Variants in NOX4 observed in about 807,000 individuals in gnomAD.
NOX4 encodes kidney oxidase-1.
A neutral mutation model predicts 87.6 loss-of-function variants in NOX4; 69 were observed. The ratio of observed to expected loss-of-function variants is 0.79; its 90% CI spans 0.65 to 0.96. NOX4 has a LOEUF of 0.96. Among genes scored for constraint, NOX4 ranks in the 40% least tolerant of loss-of-function variants. The probability of loss-of-function intolerance (pLI) is 0.00; values close to 1 mark genes in which losing one functional copy is unlikely to be tolerated. For missense variants in NOX4, 680 were observed against 681.5 expected, an observed-to-expected ratio of 1.00 and a Z score of 0.02; for synonymous variants, 275 against 238.2, an observed-to-expected ratio of 1.15 and a Z score of -1.42.
Position 89,413,603 on chromosome 11 carries a change from A to C in NOX4, c.629+8299T>G, listed in dbSNP as rs1487111445. ...AGACAAATTTCACACGTTCTCACTT[A>C]TTTGTGGGAGCTAAAAATGAAAACT... On this transcript the variant is annotated intron_variant, in intron 8 of 17. Transcript: ENST00000263317. Among the ~76,000 whole-genome samples the C allele has an allele frequency of 2.0e-5, 3 of 152,136 alleles. No individual in the cohort carries two copies. In the East Asian group the frequency reaches 5.8e-4, roughly 29 times the overall value.
chr11:89,443,307 C>G (rs1034541977), intron 5 of NOX4: 6 of 151,502 alleles, frequency 4.0e-5, no homozygotes, highest in African/African-American at 1.2e-4. Context: ...ACCTAGAAAA[C>G]TCTGGTGATA....
rs570586737 is a variant in NOX4 at position 89,326,714 on chromosome 11, C to T, written c.*42G>A. ...CTGAGTTTCAAAGTCTTAGAAATTG[C>T]ACTCATTCCTTCTTTAGAGTCCTGC... On this transcript the variant is annotated 3_prime_UTR_variant, in exon 18 of 18. Coordinates refer to ENST00000263317, the MANE Select transcript of NOX4 (RefSeq NM_016931.5). 1.4e-4 allele frequency: 224 copies of T among 1,581,920 alleles called. No homozygotes were observed. The highest frequency in any genetic ancestry group is 1.8e-4 in the Non-Finnish European group (204 of 1,156,844).
At chr11:89,568,938 G>T in the NOX4 span, among the ~76,000 whole-genome samples, 1 of 152,186 alleles carries the variant, frequency 6.6e-6, no homozygotes, top group Non-Finnish European at 1.5e-5. Flanking sequence ...TTTAATGAAT[G>T]GTGCTGGGTA....
At chr11:89,468,397 G>T (rs907587030) in intron 2 of NOX4, among the ~76,000 whole-genome samples, 1 of 152,162 alleles carries the variant, frequency 6.6e-6, no homozygotes, top group Non-Finnish European at 1.5e-5. Flanking sequence ...TCATCTTTGT[G>T]CACCAATATT....
chr11:89,360,215 T>C (rs548064996), intron 12 of NOX4, among the ~76,000 whole-genome samples: 2 of 152,036 alleles, frequency 1.3e-5, no homozygotes, highest in Non-Finnish European at 2.9e-5. Context: ...GCAGGAAATA[T>C]TATCAGAGAG....
At chr11:89,555,013 TA>T in the NOX4 span, among the ~76,000 whole-genome samples, 183 of 152,264 alleles carry the variant, frequency 1.2e-3, 1 homozygote, top group African/African-American at 4.3e-3. Context: ...TTTAAAAATT[TA>T]TCTTTTTAAA....
At chr11:89,534,758 T>C in the NOX4 span, among the ~76,000 whole-genome samples, 2 of 152,188 alleles carry the variant, frequency 1.3e-5, no homozygotes. Context: ...CCTGAAACCA[T>C]ACCTGACCTT....
Position 89,326,768 on chromosome 11 carries a change from CTCTT to C in NOX4, c.1721_1724del (p.Lys574SerfsTer14), listed in dbSNP as rs766206567. The C allele has an allele frequency of 5.6e-6, 9 of 1,612,928 alleles. No individual in the cohort carries two copies. Among genetic ancestry groups the C allele is most frequent in the East Asian group, 2.2e-5 (1 of 44,776 alleles). ...ATGGCAAAAGTTTTCAGCTGAAAGA[CTCTT>C]TATTGTATTCAAATCTTGTCCCATA... On this transcript the variant is annotated frameshift_variant, in exon 18 of 18. Transcript: ENST00000263317. LOFTEE classifies it high-confidence loss of function.
intron 7 of NOX4, among the ~76,000 whole-genome samples, chr11:89,428,430 G>C (rs1452295126): frequency 6.6e-6 from 1 of 152,034 alleles, no homozygotes; most frequent in East Asian, 1.9e-4. Context: ...TGGCAAACTG[G>C]ATAGAGTCAA....
At chr11:89,504,206 C>G in the NOX4 span, among the ~76,000 whole-genome samples, 21 of 151,754 alleles carry the variant, frequency 1.4e-4, no homozygotes, top group Non-Finnish European at 2.1e-4. Context: ...GAAGAGAACT[C>G]TTGGCCCAAT....
At chr11:89,328,094 G>A (rs1367481148) in intron 17 of NOX4, among the ~76,000 whole-genome samples, 1 of 152,064 alleles carries the variant, frequency 6.6e-6, no homozygotes, top group South Asian at 2.1e-4. Context: ...GACAAAGAAC[G>A]GAGTTACATT....
At chr11:89,436,623 T>C (rs1424868990) in intron 6 of NOX4, among the ~76,000 whole-genome samples, 1 of 152,140 alleles carries the variant, frequency 6.6e-6, no homozygotes, top group Non-Finnish European at 1.5e-5. Flanking sequence ...ACCTGAGAGA[T>C]TGTTTTCATC....
chr11:89,506,584 A>C, the NOX4 span, among the ~76,000 whole-genome samples: 1 of 151,812 alleles, frequency 6.6e-6, no homozygotes, highest in South Asian at 2.1e-4. Flanking sequence ...AATTGATGTT[A>C]GAGGTCATTA....
chr11:89,387,599 G>C (rs887380147), intron 11 of NOX4, among the ~76,000 whole-genome samples: 1 of 152,046 alleles, frequency 6.6e-6, no homozygotes, highest in African/African-American at 2.4e-5. Flanking sequence ...AGAATAAAGA[G>C]GTATTCATGT....
intron 6 of NOX4, among the ~76,000 whole-genome samples, chr11:89,435,893 T>G (rs1011246861): frequency 6.6e-6 from 1 of 152,118 alleles, no homozygotes; most frequent in African/African-American, 2.4e-5. Flanking sequence ...TTCCTTCTTA[T>G]TTCTCAAAAG....
Position 89,449,459 on chromosome 11 carries a change from A to G in NOX4, c.330T>C (p.Val110=). The G allele has an allele frequency of 2.5e-6, 4 of 1,610,236 alleles. No individual in the cohort carries two copies. The highest frequency in any genetic ancestry group is 2.5e-6 in the Non-Finnish European group (3 of 1,177,776). ...TCTCACCTGAGAAAATACAGATAGTAACACCACAGGTAATATGGAATGTTC... is the reference window on the plus strand; with the variant it reads ...TCTCACCTGAGAAAATACAGATAGTGACACCACAGGTAATATGGAATGTTC... The part of the protein sequence containing the change: ...KSRTFHITCG[V]TICIFSGVHV... The change falls in exon 4 of 18, where the codon GTT becomes GTC. Residue 110 remains valine, a synonymous_variant. Coordinates refer to ENST00000263317, the MANE Select transcript of NOX4 (RefSeq NM_016931.5).
the NOX4 span, among the ~76,000 whole-genome samples, chr11:89,580,050 T>C: frequency 6.6e-6 from 1 of 152,212 alleles, no homozygotes; most frequent in African/African-American, 2.4e-5. Flanking sequence ...ACTTTAAATG[T>C]AGCTCTAGAG....
At chr11:89,438,858 TTATATATTA>T (rs1944290189) in intron 6 of NOX4, among the ~76,000 whole-genome samples, 14 of 43,822 alleles carry the variant, frequency 3.2e-4, no homozygotes, top group African/African-American at 2.6e-3. Flanking sequence ...ATATAATATA[TTATATATTA>T]TATATATAAT....
chr11:89,457,357 C>T (rs1016721), intron 2 of NOX4, among the ~76,000 whole-genome samples: 2,669 of 152,316 alleles, frequency 0.018, 33 homozygotes, highest in Admixed American at 0.025. Context: ...CCTGCACCAG[C>T]CACACTGCCA....
Sources: allele counts gnomAD v4.1 joint callset (sites outside exome capture counted in the v4.1 genomes callset), GRCh38; gene constraint gnomAD v4.1.1; transcripts MANE v1.5; gene names NCBI Gene and HGNC (gene_info 2026-07-23, HGNC 2026-07-21).